Variants in CA10 observed in about 807,000 individuals in gnomAD.
The protein encoded by CA10 is carbonic anhydrase 10 (inactive), also known as carbonic anhydrase-related protein 10.
In CA10, 14 loss-of-function variants were observed where a neutral mutation model predicts 44.2. That is an observed-to-expected ratio of 0.32 (90% CI 0.21 to 0.50). The LOEUF (loss-of-function observed/expected upper bound fraction) is 0.50, where lower values mean the gene tolerates loss of function less well. CA10 is among the 20% of genes least tolerant of loss of function. The pLI is 0.99. For missense variants in CA10, 350 were observed against 409.7 expected (o/e 0.85, Z 1.26); for synonymous variants, 159 against 141.6 (o/e 1.12, Z -0.87).
At chr17:51,715,176 T>C (rs1598004057) in intron 4 of CA10, among the ~76,000 whole-genome samples, 3 of 151,474 alleles carry the variant, frequency 2.0e-5, no homozygotes, top group Admixed American at 6.6e-5. Flanking sequence ...TGAGAACACA[T>C]GGACACAGGA....
chr17:52,021,102 C>G (rs1332253105), intron 2 of CA10, among the ~76,000 whole-genome samples: 1 of 151,792 alleles, frequency 6.6e-6, no homozygotes, highest in Non-Finnish European at 1.5e-5. Context: ...TCATGTACCC[C>G]CTGAATCTAA....
intron 3 of CA10, among the ~76,000 whole-genome samples, chr17:51,875,357 A>T (rs1434158715): frequency 6.6e-6 from 1 of 152,166 alleles, no homozygotes; most frequent in Non-Finnish European, 1.5e-5. Context: ...TCCTAGACTG[A>T]TGGAGAACCA....
At chr17:51,848,028 G>A (rs1304276458) in intron 3 of CA10, among the ~76,000 whole-genome samples, 2 of 152,200 alleles carry the variant, frequency 1.3e-5, no homozygotes, top group Non-Finnish European at 2.9e-5. Flanking sequence ...CCAGGGCTAG[G>A]TTAAGGCAAT....
chr17:52,106,368 G>T (rs1290145037), intron 1 of CA10, among the ~76,000 whole-genome samples: 6 of 152,202 alleles, frequency 3.9e-5, no homozygotes, highest in Non-Finnish European at 4.4e-5. Context: ...CCGCTGATTT[G>T]TTTATTGCTG....
chr17:51,744,580 T>G lies in CA10; in HGVS notation c.465+3053A>C, dbSNP rs569405963. Among the ~76,000 whole-genome samples, 13 of 152,266 alleles carry G rather than the reference T, an allele frequency of 8.5e-5. No homozygotes were observed. In the East Asian group the frequency reaches 2.5e-3, roughly 29 times the overall value. Reference sequence around the variant, plus strand: ...AACTGTGATGGTGCTACCACTGTACTTCAGCCTGGGTAACAGAGTAAGACC... The same window carrying G: ...AACTGTGATGGTGCTACCACTGTACGTCAGCCTGGGTAACAGAGTAAGACC... On this transcript the variant is annotated intron_variant, in intron 4 of 8. Coordinates refer to ENST00000451037, the MANE Select transcript of CA10 (RefSeq NM_020178.5).
chr17:51,782,369 C>T (rs1906097996), intron 3 of CA10, among the ~76,000 whole-genome samples: 1 of 152,210 alleles, frequency 6.6e-6, no homozygotes, highest in African/African-American at 2.4e-5. Context: ...TCACAGATGA[C>T]AAACCAGCTC....
chr17:51,991,452 G>A (rs890559377), intron 2 of CA10, among the ~76,000 whole-genome samples: 2 of 152,096 alleles, frequency 1.3e-5, no homozygotes, highest in Non-Finnish European at 2.9e-5. Flanking sequence ...CAGGGTCTAG[G>A]TTAGTTTCAT....
chr17:52,127,625 T>A (rs1156830116), intron 1 of CA10, among the ~76,000 whole-genome samples: 1 of 152,200 alleles, frequency 6.6e-6, no homozygotes, highest in African/African-American at 2.4e-5. Flanking sequence ...AAGAGGCTGG[T>A]GTCCTCTAGC....
At chr17:51,830,524 T>G (rs899081287) in intron 3 of CA10, among the ~76,000 whole-genome samples, 2 of 152,208 alleles carry the variant, frequency 1.3e-5, no homozygotes, top group African/African-American at 4.8e-5. Context: ...GAGTTTATGA[T>G]CAGTTGATGC....
At chr17:51,949,249 G>A (rs1983396104) in intron 2 of CA10, among the ~76,000 whole-genome samples, 1 of 152,096 alleles carries the variant, frequency 6.6e-6, no homozygotes, top group Non-Finnish European at 1.5e-5. Flanking sequence ...TATAATATGT[G>A]TAATTCAAAG....
At chr17:51,888,800 A>G (rs1190565533) in intron 3 of CA10, among the ~76,000 whole-genome samples, 1 of 152,228 alleles carries the variant, frequency 6.6e-6, no homozygotes, top group East Asian at 1.9e-4. Context: ...CTATTGCTAC[A>G]TAATAAATCA....
intron 3 of CA10, among the ~76,000 whole-genome samples, chr17:51,807,392 A>C (rs932780252): frequency 5.3e-5 from 8 of 152,192 alleles, no homozygotes; most frequent in Non-Finnish European, 1.0e-4. Flanking sequence ...TTTTATTGTT[A>C]AGGAAATTTA....
chr17:51,914,926 T>C (rs1981932523), intron 3 of CA10, among the ~76,000 whole-genome samples: 1 of 152,198 alleles, frequency 6.6e-6, no homozygotes, highest in Non-Finnish European at 1.5e-5. Context: ...CTAAATGAGA[T>C]AAAATATGTA....
chr17:52,007,007 T>C (rs1985623710), intron 2 of CA10, among the ~76,000 whole-genome samples: 1 of 151,566 alleles, frequency 6.6e-6, no homozygotes, highest in Admixed American at 6.6e-5. Flanking sequence ...TAGTTAGAGG[T>C]TCCTTGTAGT....
chr17:51,731,775 T>G (rs781564320), intron 4 of CA10, among the ~76,000 whole-genome samples: 25 of 151,852 alleles, frequency 1.6e-4, no homozygotes, highest in Non-Finnish European at 3.5e-4. Context: ...CCTCCTGGAT[T>G]CAAGCAATTC....
At chr17:52,079,456 C>CAAA (rs35048985) in intron 1 of CA10, among the ~76,000 whole-genome samples, 12 of 125,284 alleles carry the variant, frequency 9.6e-5, no homozygotes, top group Admixed American at 1.7e-4. Flanking sequence ...GAGACTCCGT[C>CAAA]AAAAAAAAAA....
chr17:51,879,499 A>G (rs1980264328), intron 3 of CA10, among the ~76,000 whole-genome samples: 1 of 152,174 alleles, frequency 6.6e-6, no homozygotes, highest in African/African-American at 2.4e-5. Flanking sequence ...TTATTTGATA[A>G]CTCCAGACTT....
intron 6 of CA10, among the ~76,000 whole-genome samples, chr17:51,647,291 C>T (rs528445899): frequency 4.6e-5 from 7 of 152,280 alleles, no homozygotes; most frequent in South Asian, 2.1e-4. Context: ...GGGCGTGCCT[C>T]GTCTTAGGCA....
At chr17:51,919,842 C>T (rs1485629741) in intron 3 of CA10, among the ~76,000 whole-genome samples, 5 of 152,032 alleles carry the variant, frequency 3.3e-5, no homozygotes, top group South Asian at 2.1e-4. Flanking sequence ...TTAGTAGAGA[C>T]GGGGTTTCAC....
Sources: allele counts gnomAD v4.1 joint callset (sites outside exome capture counted in the v4.1 genomes callset), GRCh38; gene constraint gnomAD v4.1.1; transcripts MANE v1.5; gene names NCBI Gene and HGNC (gene_info 2026-07-23, HGNC 2026-07-21).